The following MYO16 variants were observed in gnomAD, a reference collection of about 807,000 sequenced individuals.
MYO16 encodes myosin XVI, also known as unconventional myosin-XVI.
Under a neutral mutation model 205.3 loss-of-function variants are expected in MYO16, and 94 were observed. The ratio of observed to expected loss-of-function variants is 0.46; its 90% CI spans 0.39 to 0.54. The LOEUF is 0.54. Ranked by LOEUF, MYO16 falls within the 20% of genes least tolerant of loss-of-function variation. The pLI, the probability that MYO16 is intolerant of heterozygous loss-of-function variation, is 0.00. For synonymous variants in MYO16, 988 were observed against 954.0 expected, an observed-to-expected ratio of 1.04 and a Z score of -0.66; for missense variants, 2,315 against 2,387.5, an observed-to-expected ratio of 0.97 and a Z score of 0.63.
chr13:109,141,357 A>T lies in MYO16; in HGVS notation c.5145A>T (p.Arg1715Ser). 6.5e-7 allele frequency: 1 copy of T among 1,545,080 alleles called. No individual in the cohort carries two copies. The change falls in exon 32 of 35, where the codon AGA (arginine) becomes AGT (serine). Residue 1715 changes from arginine to serine, a missense_variant. Coordinates refer to ENST00000457511, the MANE Select transcript of MYO16 (RefSeq NM_001198950.3). This position sits in a 1 kb window ranked among gnomAD's most constrained non-coding sequence, Gnocchi z 4.1. Reference protein sequence around the residue: ...RSVLRKSAAGRKIREAEGFET... With the variant: ...RSVLRKSAAGSKIREAEGFET... ...TGCTTCGGAAATCCGCGGCGGGAAG[A>T]AAAATCAGGGAAGCAGAAGGTAAGC...
the MYO16 span, among the ~76,000 whole-genome samples, chr13:108,532,191 G>C: frequency 1.3e-5 from 2 of 151,806 alleles, no homozygotes; most frequent in Admixed American, 6.6e-5. Flanking sequence ...GGGTGACAGA[G>C]TGAGACTCTG....
the MYO16 span, among the ~76,000 whole-genome samples, chr13:108,540,669 C>T: frequency 6.6e-6 from 1 of 152,020 alleles, no homozygotes; most frequent in Non-Finnish European, 1.5e-5. Flanking sequence ...AGTATAAGTT[C>T]CTTAGGTAGG....
At chr13:108,517,544 T>C in the MYO16 span, among the ~76,000 whole-genome samples, 1 of 152,196 alleles carries the variant, frequency 6.6e-6, no homozygotes, top group African/African-American at 2.4e-5. Flanking sequence ...TTAACTAATA[T>C]TCACCATAAC....
intron 14 of MYO16, among the ~76,000 whole-genome samples, chr13:108,896,176 C>T (rs1566397620): frequency 6.6e-6 from 1 of 152,102 alleles, no homozygotes; most frequent in Non-Finnish European, 1.5e-5. Context: ...TCAGACACAA[C>T]ACCAGAATAA....
intron 6 of MYO16, among the ~76,000 whole-genome samples, chr13:108,798,563 G>A (rs1020339267): frequency 6.6e-6 from 1 of 151,940 alleles, no homozygotes; most frequent in African/African-American, 2.4e-5. Context: ...GAATTCATCA[G>A]TTTGAGAATA....
intron 4 of MYO16, among the ~76,000 whole-genome samples, chr13:108,757,145 C>G (rs915084826): frequency 6.6e-6 from 1 of 152,102 alleles, no homozygotes; most frequent in African/African-American, 2.4e-5. Flanking sequence ...GTGCAAAAGG[C>G]AAATTCTACC....
At chr13:108,686,176 A>C (rs113440858) in intron 2 of MYO16, among the ~76,000 whole-genome samples, 22 of 152,264 alleles carry the variant, frequency 1.4e-4, no homozygotes, top group African/African-American at 5.1e-4. Flanking sequence ...CACACCTGGC[A>C]GGAGTGGAGC....
At chr13:108,631,462 T>C (rs1879978187) in intron 1 of MYO16, among the ~76,000 whole-genome samples, 1 of 152,228 alleles carries the variant, frequency 6.6e-6, no homozygotes, top group Non-Finnish European at 1.5e-5. Flanking sequence ...AAATTGGTGA[T>C]GTCAATTGGA....
chr13:108,742,666 A>G (rs780792507), intron 4 of MYO16, among the ~76,000 whole-genome samples: 34 of 152,190 alleles, frequency 2.2e-4, no homozygotes, highest in African/African-American at 7.0e-4. Context: ...TTGTTACTCA[A>G]TATTAAATTC....
chr13:108,614,857 T>C (rs1224789575), intron 1 of MYO16, among the ~76,000 whole-genome samples: 2 of 81,392 alleles, frequency 2.5e-5, no homozygotes, highest in African/African-American at 9.0e-5. Context: ...GGCTACAGTT[T>C]TTAAATTCTT....
In MYO16 at chr13:109,125,362, A is replaced by C; in HGVS notation, c.3782+4A>C. 6.2e-7 allele frequency: 1 copy of C among 1,613,976 alleles called. No individual in the cohort carries two copies. Among genetic ancestry groups the C allele is most frequent in the Non-Finnish European group, 8.5e-7 (1 of 1,179,920 alleles). On this transcript the variant is annotated splice_donor_region_variant and intron_variant, in intron 30 of 34. Transcript: ENST00000457511. This position sits in a 1 kb window ranked among gnomAD's most constrained non-coding sequence, Gnocchi z 4.0. ...TGCAAGAGGAAGGAAGCAAAAGGTA[A>C]AGGCAGAGAGCATGCAATTTTAATT...
chr13:108,591,884 G>T (rs1878408658), upstream of MYO16, among the ~76,000 whole-genome samples: 1 of 152,034 alleles, frequency 6.6e-6, no homozygotes, highest in African/African-American at 2.4e-5. Flanking sequence ...AGCTTACCCT[G>T]ACTTGTCTCT....
intron 32 of MYO16, among the ~76,000 whole-genome samples, chr13:109,144,148 G>T (rs1291234827): frequency 6.6e-6 from 1 of 151,614 alleles, no homozygotes; most frequent in Non-Finnish European, 1.5e-5. Context: ...TCGAGTACCT[G>T]GAATTACAAG....
the MYO16 span, among the ~76,000 whole-genome samples, chr13:108,591,105 C>T: frequency 6.6e-6 from 1 of 152,056 alleles, no homozygotes; most frequent in African/African-American, 2.4e-5. Flanking sequence ...CTTGTGGTCC[C>T]CAGCCTTGCA....
rs113753853 is a variant in MYO16 at position 109,028,310 on chromosome 13, A to T, written c.2796+8399A>T. On this transcript the variant is annotated intron_variant, in intron 23 of 34. Coordinates refer to ENST00000457511, the MANE Select transcript of MYO16 (RefSeq NM_001198950.3). The stretch of plus-strand genomic sequence containing the variant: ...TTAAATTCTCTAAATATAGTATTAA[A>T]TACAGAAAATTGAGATATTTCTCAA... The T allele has an allele frequency of 9.0e-4, 207 of 230,632 alleles. 2 individuals carry two copies. The highest frequency in any genetic ancestry group is 4.5e-3 in the African/African-American group (191 of 42,460). The allele number at this position is 230,632 out of a possible 1,614,324, so 14.3% of individuals were successfully genotyped here.
intron 27 of MYO16, among the ~76,000 whole-genome samples, chr13:109,081,961 T>TA (rs1375993930): frequency 6.6e-6 from 1 of 152,202 alleles, no homozygotes; most frequent in Non-Finnish European, 1.5e-5. Flanking sequence ...GTTTCATTGT[T>TA]ACACGTCCAT....
chr13:108,591,062 G>A, the MYO16 span, among the ~76,000 whole-genome samples: 2 of 152,148 alleles, frequency 1.3e-5, no homozygotes, highest in Non-Finnish European at 2.9e-5. Flanking sequence ...GGTCATGGAT[G>A]GGCTGCTGAA....
In MYO16 at chr13:109,046,904, C is replaced by A. The variant is rs1171029357; in HGVS notation, c.2797-12C>A. ...GAATCATTAGTAATTATGCTGCTTTCTTTTATTCTAGGTAATGTATGATGT... is the reference window on the plus strand; with the variant it reads ...GAATCATTAGTAATTATGCTGCTTTATTTTATTCTAGGTAATGTATGATGT... On this transcript the variant is annotated splice_polypyrimidine_tract_variant and intron_variant, in intron 23 of 34. Transcript: ENST00000457511. The A allele has an allele frequency of 1.3e-6, 2 of 1,591,974 alleles. No individual in the cohort carries two copies. Among genetic ancestry groups the A allele is most frequent in the Admixed American group, 3.4e-5 (2 of 59,518 alleles).
chr13:109,155,821 T>G (rs1428260233), intron 32 of MYO16, among the ~76,000 whole-genome samples: 2 of 152,204 alleles, frequency 1.3e-5, no homozygotes, highest in East Asian at 3.9e-4. Flanking sequence ...TCTCCTCACA[T>G]CCACCCATCT....
Sources: gnomAD v4.1 joint callset for allele counts (sites outside exome capture counted in the v4.1 genomes callset) on GRCh38, gnomAD v4.1.1 for gene constraint, Gnocchi (gnomAD v3.1) non-coding constraint, MANE v1.5 for transcripts, NCBI Gene and HGNC (gene_info 2026-07-23, HGNC 2026-07-21) for gene names.